TPRG1: variants seen among roughly 807,000 people sequenced by gnomAD.
TPRG1 encodes tumor protein p63-regulated gene 1 protein.
In TPRG1, 29 loss-of-function variants were observed where a neutral mutation model predicts 29.3. That is an observed-to-expected ratio of 0.99 (90% CI 0.74 to 1.35). The LOEUF is 1.35. Among genes scored for constraint, TPRG1 ranks in the 40% most tolerant of loss-of-function variants. TPRG1 has a pLI of 0.00. For missense variants in TPRG1, 327 were observed against 335.0 expected (o/e 0.98, Z 0.19); for synonymous variants, 130 against 116.8 (o/e 1.11, Z -0.73).
At chr3:189,163,289 AC>A (rs1458961642) in intron 5 of TPRG1, among the ~76,000 whole-genome samples, 7 of 152,264 alleles carry the variant, frequency 4.6e-5, no homozygotes, top group Admixed American at 4.6e-4. Flanking sequence ...ACGAAGCAAA[AC>A]AAAAAAACAT....
intron 3 of TPRG1, among the ~76,000 whole-genome samples, chr3:189,133,116 A>G (rs1723292064): frequency 6.6e-6 from 1 of 152,222 alleles, no homozygotes; most frequent in Admixed American, 6.5e-5. Flanking sequence ...GTGTGTATTC[A>G]GGATTTAGCA....
intron 1 of TPRG1, among the ~76,000 whole-genome samples, chr3:188,997,658 T>G (rs1578174953): frequency 6.6e-6 from 1 of 152,158 alleles, no homozygotes; most frequent in East Asian, 1.9e-4. Context: ...CTGAGATAGC[T>G]ACCCTTCAGC....
chr3:189,201,352 T>A (rs1733456666), intron 1 of TPRG1, among the ~76,000 whole-genome samples: 1 of 152,172 alleles, frequency 6.6e-6, no homozygotes, highest in African/African-American at 2.4e-5. Flanking sequence ...GCAATAGGAT[T>A]TTTAAAAATC....
At chr3:189,242,567 G>A (rs1355507679) in intron 4 of TPRG1, among the ~76,000 whole-genome samples, 1 of 152,042 alleles carries the variant, frequency 6.6e-6, no homozygotes, top group Admixed American at 6.6e-5. Context: ...AGGGGTATTA[G>A]TCTGTTATTT....
intron 1 of TPRG1, among the ~76,000 whole-genome samples, chr3:189,184,696 C>T (rs1189816363): frequency 6.6e-6 from 1 of 152,190 alleles, no homozygotes; most frequent in East Asian, 1.9e-4. Flanking sequence ...TCTTCCCGTA[C>T]CGTCATCATC....
At chr3:189,232,054 TG>T (rs2108909924) in intron 3 of TPRG1, among the ~76,000 whole-genome samples, 1 of 152,208 alleles carries the variant, frequency 6.6e-6, no homozygotes, top group East Asian at 1.9e-4. Context: ...CAAAGCCCTT[TG>T]TTTTATAAAG....
At chr3:189,185,875 C>G (rs1366621928) in intron 1 of TPRG1, among the ~76,000 whole-genome samples, 2 of 152,070 alleles carry the variant, frequency 1.3e-5, no homozygotes, top group Non-Finnish European at 2.9e-5. Context: ...TAGGACCCTA[C>G]TTTTTCACAA....
At chr3:189,026,891 G>A (rs533444948) in intron 4 of TPRG1, among the ~76,000 whole-genome samples, 1 of 152,272 alleles carries the variant, frequency 6.6e-6, no homozygotes, top group East Asian at 1.9e-4. Context: ...TTTGTTGAGA[G>A]CATTGACTCC....
chr3:189,079,060 G>C (rs1259043742), intron 4 of TPRG1, among the ~76,000 whole-genome samples: 1 of 152,202 alleles, frequency 6.6e-6, no homozygotes, highest in East Asian at 1.9e-4. Flanking sequence ...TCTGCTTCTG[G>C]TGAGGGCCTC....
chr3:189,025,642 C>T (rs1713617530), intron 4 of TPRG1, among the ~76,000 whole-genome samples: 1 of 152,096 alleles, frequency 6.6e-6, no homozygotes, highest in Non-Finnish European at 1.5e-5. Context: ...TGTATTCACT[C>T]TAATGGTTGA....
At chr3:189,175,707 G>A (rs536357812) in intron 1 of TPRG1, among the ~76,000 whole-genome samples, 1 of 152,370 alleles carries the variant, frequency 6.6e-6, no homozygotes, top group African/African-American at 2.4e-5. Context: ...GTAAGGCAAG[G>A]TGGTGCTATA....
chr3:189,227,594 C>T (rs1248212095), intron 3 of TPRG1, among the ~76,000 whole-genome samples: 2 of 152,164 alleles, frequency 1.3e-5, no homozygotes, highest in Non-Finnish European at 2.9e-5. Flanking sequence ...TGTTTTGATA[C>T]AAGTTGTTAC....
At chr3:189,261,412 C>CT (rs1181598021) in intron 4 of TPRG1, among the ~76,000 whole-genome samples, 1 of 148,550 alleles carries the variant, frequency 6.7e-6, no homozygotes, top group African/African-American at 2.5e-5. Flanking sequence ...GTGGTCTTTG[C>CT]TTAAAAAAAA....
At chr3:189,075,559 C>T (rs1171617833) in intron 4 of TPRG1, among the ~76,000 whole-genome samples, 1 of 151,996 alleles carries the variant, frequency 6.6e-6, no homozygotes, top group Non-Finnish European at 1.5e-5. Flanking sequence ...CTTTTTTCTC[C>T]CTGGTCAGTA....
At chr3:189,107,530 A>G (rs888690794) in intron 1 of TPRG1, among the ~76,000 whole-genome samples, 2 of 152,182 alleles carry the variant, frequency 1.3e-5, no homozygotes, top group African/African-American at 4.8e-5. Context: ...AAAAAGCAAT[A>G]CAGCATTATT....
At chr3:189,060,105 G>A (rs1716003212) in intron 4 of TPRG1, among the ~76,000 whole-genome samples, 1 of 152,152 alleles carries the variant, frequency 6.6e-6, no homozygotes, top group Non-Finnish European at 1.5e-5. Context: ...GGTGGCGCAT[G>A]CCTGTAATCC....
chr3:189,237,354 A>G (rs1054550973), intron 3 of TPRG1, among the ~76,000 whole-genome samples: 28 of 152,154 alleles, frequency 1.8e-4, no homozygotes, highest in African/African-American at 6.7e-4. Flanking sequence ...CTCAGCTTGT[A>G]CTTATTAGCA....
chr3:189,322,208 T>C lies in TPRG1; in HGVS notation c.*1388T>C, dbSNP rs1295448331. 6 of 152,152 alleles carry C rather than the reference T, an allele frequency of 3.9e-5. No individual in the cohort carries two copies. The highest frequency in any genetic ancestry group is 1.4e-4 in the African/African-American group (6 of 41,456). 9.4% of individuals were successfully genotyped at this position (152,152 alleles called of 1,614,324 possible). A position where few individuals can be genotyped will look rare whatever the true frequency, so the allele number is the denominator to read the frequency against. On this transcript the variant is annotated 3_prime_UTR_variant, in exon 6 of 6. Coordinates refer to ENST00000345063, the MANE Select transcript of TPRG1 (RefSeq NM_198485.4). Reference sequence around the variant, plus strand: ...TTAAGTTGAAATTCCAGCCAACTTTTTTTTGACTTTTATGTGAAGTTTAAA... The same window carrying C: ...TTAAGTTGAAATTCCAGCCAACTTTCTTTTGACTTTTATGTGAAGTTTAAA...
rs1345800463 is a variant in TPRG1, at chr3:189,298,115, C to T, written c.480-12271C>T. Among the ~76,000 whole-genome samples, 3 of 152,204 alleles carry T rather than the reference C, an allele frequency of 2.0e-5. No individual in the cohort carries two copies. In the East Asian group the frequency reaches 5.8e-4, roughly 29 times the overall value. On this transcript the variant is annotated intron_variant, in intron 4 of 5. Coordinates refer to ENST00000345063, the MANE Select transcript of TPRG1 (RefSeq NM_198485.4). ...AAAACTTCAAGTAAAACTTAACTCA[C>T]TTACCCCAAAGCAAATATACACTGT...
Sources: allele counts gnomAD v4.1 joint callset (sites outside exome capture counted in the v4.1 genomes callset), GRCh38; gene constraint gnomAD v4.1.1; transcripts MANE v1.5; gene names NCBI Gene and HGNC (gene_info 2026-07-23, HGNC 2026-07-21).